MRPL43: variants seen among roughly 807,000 people sequenced by gnomAD.
MRPL43 encodes the protein mitochondrial ribosomal protein L43, also known as large ribosomal subunit protein mL43.
MRPL43 carries 9 observed loss-of-function variants against 12.7 expected under a neutral mutation model. The observed-to-expected ratio is 0.71, with a 90% CI of 0.43 to 1.24. The LOEUF (loss-of-function observed/expected upper bound fraction) is 1.24, where lower values mean the gene tolerates loss of function less well. Among genes scored for constraint, MRPL43 ranks in the 50% most tolerant of loss-of-function variants. The pLI is 0.00. For synonymous variants in MRPL43, 116 were observed against 96.4 expected (o/e 1.20, Z -1.19); for missense variants, 211 against 229.2 (o/e 0.92, Z 0.51).
chr10:100,979,484 G>C (rs544561449), downstream of MRPL43: 2 of 1,314,868 alleles, frequency 1.5e-6, no homozygotes, highest in African/African-American at 3.0e-5. Context: ...CCGGGTTCAA[G>C]TGATTATCCT....
downstream of MRPL43, chr10:100,978,533 G>C (rs1444498751): frequency 3.1e-6 from 5 of 1,613,782 alleles, no homozygotes; most frequent in Non-Finnish European, 4.2e-6. Context: ...CCAGATGGAG[G>C]CCTCTACACA....
downstream of MRPL43, chr10:100,985,334 T>G: frequency 1.3e-5 from 2 of 158,920 alleles, no homozygotes; most frequent in Admixed American, 6.4e-5. Flanking sequence ...TCTAGGCCTA[T>G]ATGGGACAAT....
Sources: gnomAD v4.1 joint callset for allele counts on GRCh38, gnomAD v4.1.1 for gene constraint, MANE v1.5 for transcripts, NCBI Gene and HGNC (gene_info 2026-07-23, HGNC 2026-07-21) for gene names.